Variants in TMPRSS11D observed in about 807,000 individuals in gnomAD.
TMPRSS11D encodes transmembrane serine protease 11D.
TMPRSS11D carries 32 observed loss-of-function variants against 44.4 expected under a neutral mutation model. That is an observed-to-expected ratio of 0.72 (90% confidence interval 0.54 to 0.97). TMPRSS11D has a LOEUF of 0.97. TMPRSS11D is among the 50% of genes least tolerant of loss of function. The pLI, the probability that TMPRSS11D is intolerant of heterozygous loss-of-function variation, is 0.00. For missense variants in TMPRSS11D, 446 were observed against 502.6 expected (o/e 0.89, Z 1.08); for synonymous variants, 179 against 177.9 (o/e 1.01, Z -0.05).
At chr4:67,873,998 C>T (rs548769613) in intron 1 of TMPRSS11D, among the ~76,000 whole-genome samples, 11 of 152,234 alleles carry the variant, frequency 7.2e-5, no homozygotes, top group Non-Finnish European at 1.3e-4. Context: ...AATCACAGAT[C>T]GCATGTATGA....
intron 1 of TMPRSS11D, among the ~76,000 whole-genome samples, chr4:67,872,188 G>A (rs1282910275): frequency 6.6e-6 from 1 of 152,122 alleles, no homozygotes; most frequent in African/African-American, 2.4e-5. Flanking sequence ...TTACAGACTT[G>A]CTTGCTTCCT....
At chr4:67,873,934 A>T (rs1417457210) in intron 1 of TMPRSS11D, among the ~76,000 whole-genome samples, 1 of 152,196 alleles carries the variant, frequency 6.6e-6, no homozygotes, top group Non-Finnish European at 1.5e-5. Context: ...TCATCAAAAT[A>T]TACTGACCCT....
chr4:67,856,698 C>T (rs1003802781), intron 2 of TMPRSS11D, among the ~76,000 whole-genome samples: 1 of 151,986 alleles, frequency 6.6e-6, no homozygotes, highest in Non-Finnish European at 1.5e-5. Flanking sequence ...GAAAGACAAC[C>T]TATTGAATGG....
intron 9 of TMPRSS11D, among the ~76,000 whole-genome samples, chr4:67,825,371 G>T (rs187864818): frequency 0.012 from 1,882 of 152,082 alleles, 41 homozygotes; most frequent in African/African-American, 0.043. Context: ...CCATGTGCCT[G>T]ATATATTTAG....
chr4:67,841,519 G>C (rs543774307), intron 4 of TMPRSS11D, among the ~76,000 whole-genome samples: 1 of 152,062 alleles, frequency 6.6e-6, no homozygotes, highest in Admixed American at 6.6e-5. Context: ...TTGTTGAATC[G>C]GCAAGAGCAG....
chr4:67,865,410 A>C (rs1718899475), intron 1 of TMPRSS11D, among the ~76,000 whole-genome samples: 1 of 151,818 alleles, frequency 6.6e-6, no homozygotes, highest in South Asian at 2.1e-4. Context: ...CCAATGATGT[A>C]CCTTAAGGAA....
intron 7 of TMPRSS11D, among the ~76,000 whole-genome samples, chr4:67,828,942 G>A (rs990459834): frequency 7.9e-5 from 12 of 151,988 alleles, no homozygotes; most frequent in African/African-American, 2.9e-4. Flanking sequence ...GTTAGCCAAA[G>A]CTTTAGTAGA....
chr4:67,862,446 G>T (rs1343883630), intron 1 of TMPRSS11D, among the ~76,000 whole-genome samples: 1 of 152,038 alleles, frequency 6.6e-6, no homozygotes, highest in African/African-American at 2.4e-5. Context: ...AAAGCTTTGG[G>T]TTTCACGTCT....
intron 3 of TMPRSS11D, among the ~76,000 whole-genome samples, chr4:67,843,535 A>G (rs1718284654): frequency 6.6e-6 from 1 of 152,178 alleles, no homozygotes; most frequent in Non-Finnish European, 1.5e-5. Flanking sequence ...ATGTACCCAT[A>G]ATAATTAAAA....
intron 7 of TMPRSS11D, among the ~76,000 whole-genome samples, chr4:67,828,846 A>T (rs1717869679): frequency 6.6e-6 from 1 of 152,110 alleles, no homozygotes; most frequent in Admixed American, 6.6e-5. Context: ...ATGACAACAG[A>T]CATTTGGGAT....
intron 1 of TMPRSS11D, among the ~76,000 whole-genome samples, chr4:67,863,328 CAAAAAAA>C (rs561420216): frequency 1.1e-5 from 1 of 89,198 alleles, no homozygotes. Flanking sequence ...TGGTCTTGCT[CAAAAAAA>C]AAAAAAAAAA....
intron 7 of TMPRSS11D, 150 bp from the exon 8 acceptor site, chr4:67,827,670 G>A: frequency 1.2e-6 from 1 of 856,922 alleles, no homozygotes; most frequent in Non-Finnish European, 1.7e-6. Flanking sequence ...GCTGGCAAGT[G>A]AGTTTAATTC....
Position 67,855,990 on chromosome 4 carries a change from G to C in TMPRSS11D, c.131-1804C>G, listed in dbSNP as rs116706816. ...AAACACTGATGAAAGAAATGGAAGA[G>C]GGCACAAACAAATGGAAAGACATTC... is the stretch of plus-strand genomic sequence containing the variant. On this transcript the variant is annotated intron_variant, in intron 2 of 9. Coordinates refer to ENST00000283916, the MANE Select transcript of TMPRSS11D (RefSeq NM_004262.3). Among the ~76,000 whole-genome samples the C allele has an allele frequency of 3.3e-3, 503 of 152,172 alleles. 2 individuals are homozygous for C. Among genetic ancestry groups the C allele is most frequent in the African/African-American group, 0.011 (471 of 41,540 alleles).
intron 9 of TMPRSS11D, among the ~76,000 whole-genome samples, chr4:67,823,984 C>T (rs886764660): frequency 6.6e-6 from 1 of 152,100 alleles, no homozygotes; most frequent in Non-Finnish European, 1.5e-5. Context: ...AGACCATAGA[C>T]TTGCTGAATG....
At chr4:67,857,675 A>G (rs952854187) in intron 2 of TMPRSS11D, among the ~76,000 whole-genome samples, 6 of 152,186 alleles carry the variant, frequency 3.9e-5, no homozygotes, top group African/African-American at 1.4e-4. Flanking sequence ...TCATCAATGT[A>G]GAGAGTAGAA....
chr4:67,862,225 T>A (rs1227536404), intron 1 of TMPRSS11D, among the ~76,000 whole-genome samples: 1 of 152,142 alleles, frequency 6.6e-6, no homozygotes. Flanking sequence ...ACGTTGTCAA[T>A]CTTCATGATC....
At chr4:67,857,794 T>A (rs370287429) in intron 2 of TMPRSS11D, among the ~76,000 whole-genome samples, 1 of 152,072 alleles carries the variant, frequency 6.6e-6, no homozygotes, top group East Asian at 1.9e-4. Flanking sequence ...GTTTTATTGT[T>A]TAATAGCAGA....
At chr4:67,844,548 T>C (rs1049917933) in intron 3 of TMPRSS11D, among the ~76,000 whole-genome samples, 8 of 151,816 alleles carry the variant, frequency 5.3e-5, no homozygotes, top group African/African-American at 1.9e-4. Flanking sequence ...CTGAGGCAAG[T>C]GGATCACTTG....
At chr4:67,877,979 GC>G (rs1468474684) in intron 1 of TMPRSS11D, among the ~76,000 whole-genome samples, 1 of 152,096 alleles carries the variant, frequency 6.6e-6, no homozygotes, top group Non-Finnish European at 1.5e-5. Context: ...TGCACATTCT[GC>G]ACATGTACCC....
Sources: gnomAD v4.1 joint callset for allele counts (sites outside exome capture counted in the v4.1 genomes callset) on GRCh38, gnomAD v4.1.1 for gene constraint, MANE v1.5 for transcripts, NCBI Gene and HGNC (gene_info 2026-07-23, HGNC 2026-07-21) for gene names.